The following HOXB3 variants were observed in gnomAD, a reference collection of about 807,000 sequenced individuals.
The protein encoded by HOXB3 is homeobox B3.
A neutral mutation model predicts 29.2 loss-of-function variants in HOXB3; 17 were observed. That is an observed-to-expected ratio of 0.58 (90% CI 0.40 to 0.87). The LOEUF (loss-of-function observed/expected upper bound fraction) is 0.87. HOXB3 is among the 40% of genes least tolerant of loss of function. The pLI, the probability that HOXB3 is intolerant of heterozygous loss-of-function variation, is 0.00. For synonymous variants in HOXB3, 317 were observed against 285.9 expected, an observed-to-expected ratio of 1.11 and a Z score of -1.10; for missense variants, 637 against 616.3, an observed-to-expected ratio of 1.03 and a Z score of -0.35.
intron 2 of HOXB3, among the ~76,000 whole-genome samples, chr17:48,564,398 G>A (rs1349379117): frequency 6.6e-6 from 1 of 152,086 alleles, no homozygotes; most frequent in African/African-American, 2.4e-5. Context: ...CCGAGCTGGG[G>A]GAGAGGCCCG....
intron 1 of HOXB3, chr17:48,578,542 C>T (rs956361105): frequency 3.9e-6 from 2 of 507,550 alleles, no homozygotes; most frequent in Non-Finnish European, 6.8e-6. Context: ...TCTTCCCTTC[C>T]CCCTCCCCAC....
chr17:48,550,411 A>T lies in HOXB3; in HGVS notation c.1219T>A (p.Tyr407Asn). The T allele has an allele frequency of 6.2e-7, 1 of 1,614,010 alleles. No individual in the cohort carries two copies. ...HHGPCEPHPT[Y>N]TDLSSHHAPP... ...GCGTGGTGAGAGGAGAGGTCTGTGTAGGTGGGGTGGGGTTCGCAGGGTCCG... is the reference window on the plus strand; with the variant it reads ...GCGTGGTGAGAGGAGAGGTCTGTGTTGGTGGGGTGGGGTTCGCAGGGTCCG... The change falls in exon 5 of 5, where the codon TAC becomes AAC. Residue 407 changes from tyrosine (Y) to asparagine (N), a missense_variant. Coordinates refer to ENST00000498678, the MANE Select transcript of HOXB3 (RefSeq NM_001384749.1).
chr17:48,577,134 T>G, intron 1 of HOXB3: 3 of 1,066,132 alleles, frequency 2.8e-6, no homozygotes, highest in Non-Finnish European at 2.6e-6. Context: ...CCACCTCTTC[T>G]TCCTTCTGAG....
chr17:48,573,381 C>G (rs2069649629), intron 2 of HOXB3, among the ~76,000 whole-genome samples: 1 of 152,168 alleles, frequency 6.6e-6, no homozygotes, highest in Non-Finnish European at 1.5e-5. Flanking sequence ...GCAGCAGTGA[C>G]AACGTCTCAC....
At chr17:48,576,766 C>T (rs1213007486) in intron 1 of HOXB3, 2 of 1,613,778 alleles carry the variant, frequency 1.2e-6, no homozygotes, top group Admixed American at 1.7e-5. Flanking sequence ...GGGGGCCCTC[C>T]GGCTGAGCCT....
intron 2 of HOXB3, among the ~76,000 whole-genome samples, chr17:48,563,106 T>C (rs2069255361): frequency 6.6e-6 from 1 of 152,032 alleles, no homozygotes; most frequent in Admixed American, 6.5e-5. Context: ...CCAACCATAC[T>C]CACTAATTCC....
At chr17:48,588,952 C>T (rs1459517429) in intron 1 of HOXB3, among the ~76,000 whole-genome samples, 1 of 152,170 alleles carries the variant, frequency 6.6e-6, no homozygotes, top group Non-Finnish European at 1.5e-5. Flanking sequence ...CCAGAAACTA[C>T]CTATGGCAGT....
chr17:48,564,395 G>A (rs1294871789), intron 2 of HOXB3, among the ~76,000 whole-genome samples: 2 of 152,018 alleles, frequency 1.3e-5, no homozygotes, highest in Admixed American at 1.3e-4. Flanking sequence ...CCGCCGAGCT[G>A]GGGGAGAGGC....
At chr17:48,582,946 A>T (rs1055919066) in intron 1 of HOXB3, among the ~76,000 whole-genome samples, 1 of 152,200 alleles carries the variant, frequency 6.6e-6, no homozygotes, top group Non-Finnish European at 1.5e-5. Flanking sequence ...GGCTTTGGGC[A>T]CCTGGGCCCC....
At chr17:48,567,893 G>A (rs1005772386) in intron 2 of HOXB3, among the ~76,000 whole-genome samples, 2 of 152,148 alleles carry the variant, frequency 1.3e-5, no homozygotes, top group African/African-American at 4.8e-5. Flanking sequence ...AGGGTGGGGA[G>A]CCAAAGCTTT....
At chr17:48,561,387 G>C (rs2069193279) in intron 2 of HOXB3, among the ~76,000 whole-genome samples, 1 of 152,148 alleles carries the variant, frequency 6.6e-6, no homozygotes, top group Admixed American at 6.5e-5. Context: ...TCTCCTCAGG[G>C]CTACTCCTCA....
intron 1 of HOXB3, among the ~76,000 whole-genome samples, chr17:48,588,274 G>T (rs1331365344): frequency 1.3e-5 from 2 of 152,194 alleles, no homozygotes; most frequent in African/African-American, 4.8e-5. Flanking sequence ...GCTTAGAGCT[G>T]GAGGAGACCC....
chr17:48,584,549 G>A lies in HOXB3; in HGVS notation c.-425+5576C>T, dbSNP rs1319802102. ...TGAAAATCAAACCTTCACATTGGAA[G>A]TATTCTTTGGCCCTGCCAGAAGTCC... On this transcript the variant is annotated intron_variant, in intron 1 of 4. Coordinates refer to ENST00000498678, the MANE Select transcript of HOXB3 (RefSeq NM_001384749.1). Among the ~76,000 whole-genome samples the A allele has an allele frequency of 2.6e-5, 4 of 152,218 alleles. No homozygotes were observed. In the South Asian group the frequency reaches 6.2e-4, roughly 24 times the overall value.
At chr17:48,558,546 T>C (rs2069080735) in intron 2 of HOXB3, among the ~76,000 whole-genome samples, 1 of 152,194 alleles carries the variant, frequency 6.6e-6, no homozygotes, top group South Asian at 2.1e-4. Flanking sequence ...GCCTTTTTTC[T>C]TCCATTCTCA....
At position 48,552,234 on chromosome 17, in the gene HOXB3, C is replaced by G; in HGVS notation, c.241G>C (p.Glu81Gln). ...GSCMRPGLAP[E>Q]PLSAPPGSPP... The stretch of plus-strand genomic sequence containing the variant: ...GAGCCAGGCGGGGCCGACAGGGGCT[C>G]GGGGGCCAGACCCGGCCTCATGCAG... The change falls in exon 4 of 5, where the codon GAG becomes CAG. Residue 81 changes from glutamate (E) to glutamine (Q), a missense_variant. By Grantham distance (29) the Glu-to-Gln change is conservative. Transcript: ENST00000498678. The G allele has an allele frequency of 1.2e-6, 2 of 1,612,514 alleles. No homozygotes were observed. The highest frequency in any genetic ancestry group is 1.7e-6 in the Non-Finnish European group (2 of 1,179,688).
chr17:48,571,763 T>A, intron 2 of HOXB3, among the ~76,000 whole-genome samples: 1 of 152,238 alleles, frequency 6.6e-6, no homozygotes, highest in East Asian at 1.9e-4. Context: ...GCTAGCTTTG[T>A]GCTCATCCTC....
chr17:48,573,999 G>A lies in HOXB3; in HGVS notation c.-409C>T, dbSNP rs929054731. 9.2e-6 allele frequency: 6 copies of A among 649,548 alleles called. No individual in the cohort carries two copies. Among genetic ancestry groups the A allele is most frequent in the South Asian group, 3.4e-5 (2 of 58,598 alleles). 40.2% of individuals were successfully genotyped at this position (649,548 alleles called of 1,614,324 possible). ...CTAACACTTTTTTCCCCCAACAGCC[G>A]GTCCAAGGAGATTTGCTGTTGAATA... On this transcript the variant is annotated 5_prime_UTR_variant, in exon 2 of 5. Coordinates refer to ENST00000498678, the MANE Select transcript of HOXB3 (RefSeq NM_001384749.1).
At chr17:48,560,024 T>C (rs1258954376) in intron 2 of HOXB3, 1 of 152,216 alleles carries the variant, frequency 6.6e-6, no homozygotes, top group Non-Finnish European at 1.5e-5. Flanking sequence ...GATCCCAATC[T>C]GAATCAGGGC....
intron 1 of HOXB3, chr17:48,575,083 C>T (rs935643214): frequency 6.6e-6 from 1 of 152,228 alleles, no homozygotes; most frequent in African/African-American, 2.4e-5. Flanking sequence ...TCATGGAATC[C>T]TCTCTCGGAA....
Sources: allele counts gnomAD v4.1 joint callset (sites outside exome capture counted in the v4.1 genomes callset), GRCh38; gene constraint gnomAD v4.1.1; transcripts MANE v1.5; gene names NCBI Gene and HGNC (gene_info 2026-07-23, HGNC 2026-07-21).